The following ESR1 variants were observed in gnomAD, a reference collection of about 807,000 sequenced individuals.
ESR1 encodes estrogen receptor.
ESR1 carries 12 observed loss-of-function variants against 52.7 expected under a neutral mutation model. The observed-to-expected ratio is 0.23, with a 90% confidence interval of 0.15 to 0.37. The LOEUF is 0.37. ESR1 is among the 10% of genes least tolerant of loss of function. The pLI, the probability that ESR1 is intolerant of heterozygous loss-of-function variation, is 1.00. For synonymous variants in ESR1, 305 were observed against 316.8 expected (o/e 0.96, Z 0.39); for missense variants, 584 against 779.7 (o/e 0.75, Z 2.99).
chr6:151,908,241 C>T (rs1562536063), intron 3 of ESR1, among the ~76,000 whole-genome samples: 1 of 151,810 alleles, frequency 6.6e-6, no homozygotes, highest in Non-Finnish European at 1.5e-5. Flanking sequence ...CACGGAAATT[C>T]TTTTTTTTAA....
At chr6:151,692,088 G>T (rs3020335) in intron 1 of ESR1, among the ~76,000 whole-genome samples, 61,666 of 152,032 alleles carry the variant, frequency 0.41, 12,859 homozygotes, top group Non-Finnish European at 0.43. Flanking sequence ...TTGGAGATAC[G>T]TGTTTCATTT....
chr6:152,002,653 CT>C (rs540378210), intron 4 of ESR1, among the ~76,000 whole-genome samples: 37 of 152,082 alleles, frequency 2.4e-4, no homozygotes, highest in African/African-American at 8.4e-4. Flanking sequence ...AATTTTTTCC[CT>C]TCTTTAGTTT....
intron 2 of ESR1, among the ~76,000 whole-genome samples, chr6:151,778,775 A>G (rs981028992): frequency 6.6e-6 from 1 of 152,162 alleles, no homozygotes; most frequent in African/African-American, 2.4e-5. Flanking sequence ...TTGAATCTCA[A>G]CTGTGAGATT....
At chr6:151,881,345 C>A (rs892225667) in intron 3 of ESR1, among the ~76,000 whole-genome samples, 3 of 152,158 alleles carry the variant, frequency 2.0e-5, no homozygotes, top group Non-Finnish European at 4.4e-5. Flanking sequence ...ACTACACTAA[C>A]AAGTGTCAGA....
intron 2 of ESR1, among the ~76,000 whole-genome samples, chr6:151,758,861 A>G (rs1272071619): frequency 6.6e-6 from 1 of 152,054 alleles, no homozygotes; most frequent in Non-Finnish European, 1.5e-5. Context: ...GTTAAGCATG[A>G]AAAGGTGCCT....
At chr6:152,080,529 G>GT (rs949831039) in intron 6 of ESR1, among the ~76,000 whole-genome samples, 5 of 152,250 alleles carry the variant, frequency 3.3e-5, no homozygotes, top group Non-Finnish European at 4.4e-5. Flanking sequence ...GGAACAAACA[G>GT]TACCAGCCAC....
chr6:152,089,831 G>A (rs1227570515), intron 6 of ESR1, among the ~76,000 whole-genome samples: 1 of 152,144 alleles, frequency 6.6e-6, no homozygotes, highest in African/African-American at 2.4e-5. Flanking sequence ...CGCCTGCCTT[G>A]GCCTCCCAAA....
intron 1 of ESR1, among the ~76,000 whole-genome samples, chr6:151,691,608 G>A (rs955952210): frequency 6.6e-6 from 1 of 152,164 alleles, no homozygotes; most frequent in Non-Finnish European, 1.5e-5. Flanking sequence ...GCCTTTATGT[G>A]CCAGATCTAA....
At chr6:152,023,253 G>A (rs1325174627) in intron 5 of ESR1, among the ~76,000 whole-genome samples, 1 of 152,094 alleles carries the variant, frequency 6.6e-6, no homozygotes, top group East Asian at 1.9e-4. Flanking sequence ...GGAAAACAGT[G>A]GGGCTCTAGT....
intron 2 of ESR1, among the ~76,000 whole-genome samples, chr6:151,737,858 C>A (rs1260853191): frequency 2.6e-5 from 4 of 152,068 alleles, no homozygotes; most frequent in Non-Finnish European, 5.9e-5. Context: ...ATTTTTGATG[C>A]CTACCTACTA....
At chr6:151,958,954 T>C (rs2128588328) in intron 4 of ESR1, among the ~76,000 whole-genome samples, 1 of 143,222 alleles carries the variant, frequency 7.0e-6, no homozygotes, top group South Asian at 2.2e-4. Flanking sequence ...ACCGCTTCCA[T>C]TGGAAGAGAA....
At chr6:152,056,891 G>A (rs968038109) in intron 5 of ESR1, among the ~76,000 whole-genome samples, 4 of 151,988 alleles carry the variant, frequency 2.6e-5, no homozygotes, top group Admixed American at 1.3e-4. Flanking sequence ...CATGCCCCAC[G>A]TGCTTCTCAG....
At chr6:151,869,864 G>A (rs1790647885) in intron 2 of ESR1, among the ~76,000 whole-genome samples, 1 of 152,146 alleles carries the variant, frequency 6.6e-6, no homozygotes, top group Non-Finnish European at 1.5e-5. Context: ...TCACTGACAA[G>A]ATTAACTAGA....
intron 3 of ESR1, among the ~76,000 whole-genome samples, chr6:151,925,401 G>T (rs1317052933): frequency 6.6e-6 from 1 of 152,174 alleles, no homozygotes; most frequent in Admixed American, 6.5e-5. Flanking sequence ...GAGGTCAGGA[G>T]TTCGAGACCA....
Position 152,101,581 on chromosome 6 carries a change from T to C in ESR1, c.*2615T>C, listed in dbSNP as rs747100358. 2.2e-5 allele frequency: 5 copies of C among 230,802 alleles called. No homozygotes were observed. Among genetic ancestry groups the C allele is most frequent in the Non-Finnish European group, 2.6e-5 (3 of 116,658 alleles). The allele number at this position is 230,802 out of a possible 1,614,324, so 14.3% of individuals were successfully genotyped here. A position where few individuals can be genotyped will look rare whatever the true frequency, so the allele number is the denominator to read the frequency against. ...TTTGGAAATCTCTTTGTATTTTTACTTGAAGTGCCACTAATGGACAGCAGA... is the reference window on the plus strand; with the variant it reads ...TTTGGAAATCTCTTTGTATTTTTACCTGAAGTGCCACTAATGGACAGCAGA... On this transcript the variant is annotated 3_prime_UTR_variant, in exon 8 of 8. Transcript: ENST00000206249.
rs904301934 is a variant in ESR1, at chr6:152,101,724, G to C, written c.*2758G>C. 4.3e-6 allele frequency: 1 copy of C among 230,812 alleles called. No individual in the cohort carries two copies. Among genetic ancestry groups the C allele is most frequent in the Non-Finnish European group, 8.6e-6 (1 of 116,640 alleles). 14.3% of individuals were successfully genotyped at this position (230,812 alleles called of 1,614,324 possible). On this transcript the variant is annotated 3_prime_UTR_variant, in exon 8 of 8. Coordinates refer to ENST00000206249, the MANE Select transcript of ESR1 (RefSeq NM_000125.4). Reference sequence around the variant, plus strand: ...TGTAAAAGATGTGATTTATCTGGGGGGCTCAGGTATGGTGGGGAAGTGGAT... The same window carrying C: ...TGTAAAAGATGTGATTTATCTGGGGCGCTCAGGTATGGTGGGGAAGTGGAT...
intron 4 of ESR1, among the ~76,000 whole-genome samples, chr6:151,952,397 C>G (rs1193407430): frequency 3.3e-5 from 5 of 152,158 alleles, no homozygotes; most frequent in Admixed American, 2.0e-4. Flanking sequence ...CCTTGGCCCA[C>G]GCTTTCCCCT....
Position 151,738,432 on chromosome 6 carries a change from A to G in ESR1, c.-71+36427A>G, listed in dbSNP as rs1782832101. On this transcript the variant is annotated intron_variant, in intron 2 of 2. Coordinates refer to the ESR1 transcript ENST00000404742. The stretch of plus-strand genomic sequence containing the variant: ...AGTTCTATTTTTAAATTTCTCGGAA[A>G]CTGCCATACTCTTTCTCATAACAGC... 2.0e-5 allele frequency among the ~76,000 whole-genome samples: 3 copies of G among 152,272 alleles called. No individual in the cohort carries two copies. The South Asian group carries it at 6.2e-4, about 32-fold the overall frequency.
chr6:151,879,545 A>G (rs544602209), intron 2 of ESR1, among the ~76,000 whole-genome samples: 2 of 152,298 alleles, frequency 1.3e-5, no homozygotes, highest in South Asian at 4.2e-4. Flanking sequence ...GCCAATGAGT[A>G]AGGAGCATTT....
Sources: allele counts gnomAD v4.1 joint callset (sites outside exome capture counted in the v4.1 genomes callset), GRCh38; gene constraint gnomAD v4.1.1; transcripts MANE v1.5; gene names NCBI Gene and HGNC (gene_info 2026-07-23, HGNC 2026-07-21).